The following EBF3 variants were observed in gnomAD, a reference collection of about 807,000 sequenced individuals.
EBF3 encodes EBF transcription factor 3.
In EBF3, 18 loss-of-function variants were observed where a neutral mutation model predicts 77.1. That is an observed-to-expected ratio of 0.23 (90% CI 0.16 to 0.35). The LOEUF is 0.35. Ranked by LOEUF, EBF3 falls within the 10% of genes least tolerant of loss-of-function variation. The pLI, the probability that EBF3 is intolerant of heterozygous loss-of-function variation, is 1.00. For synonymous variants in EBF3, 350 were observed against 343.5 expected (o/e 1.02, Z -0.21); for missense variants, 558 against 860.0 (o/e 0.65, Z 4.39).
intron 11 of EBF3, 31 bp from the exon 12 acceptor site, chr10:129,843,233 T>C: frequency 6.3e-7 from 1 of 1,594,710 alleles, no homozygotes; most frequent in South Asian, 1.1e-5. Context: ...AGGTGATTCA[T>C]GGGAGGAACC....
chr10:129,951,437 C>T (rs1336091133), intron 6 of EBF3, among the ~76,000 whole-genome samples: 1 of 152,260 alleles, frequency 6.6e-6, no homozygotes, highest in African/African-American at 2.4e-5. Context: ...TCCACCCCTG[C>T]ACGTTCATAC....
chr10:129,931,863 G>C (rs1006214534), intron 6 of EBF3, among the ~76,000 whole-genome samples: 1 of 152,188 alleles, frequency 6.6e-6, no homozygotes, highest in Non-Finnish European at 1.5e-5. Flanking sequence ...ACAGGGCCTA[G>C]CTGGGTATCT....
At chr10:129,913,680 G>A (rs768775287) in intron 6 of EBF3, among the ~76,000 whole-genome samples, 4 of 152,214 alleles carry the variant, frequency 2.6e-5, no homozygotes, top group African/African-American at 7.2e-5. Flanking sequence ...GAGGTGCTAC[G>A]AATGCTAGAT....
chr10:129,914,157 G>A (rs890991429), intron 6 of EBF3, among the ~76,000 whole-genome samples: 2 of 152,208 alleles, frequency 1.3e-5, no homozygotes, highest in Non-Finnish European at 2.9e-5. Context: ...GACTCCAGGG[G>A]ACATGACGGG....
Position 129,842,990 on chromosome 10 carries a change from G to T in EBF3, c.1194+147C>A. The T allele has an allele frequency of 4.1e-6, 3 of 733,724 alleles. No individual in the cohort carries two copies. Among genetic ancestry groups the T allele is most frequent in the Non-Finnish European group, 6.7e-6 (3 of 449,366 alleles). The allele number at this position is 733,724 out of a possible 1,614,324, so 45.5% of individuals were successfully genotyped here. A position where few individuals can be genotyped will look rare whatever the true frequency, so the allele number is the denominator to read the frequency against. The stretch of plus-strand genomic sequence containing the variant: ...TACGTGAACCTAGCGTGAGGGCAAG[G>T]ATGGGAAGCCATTCTCACATCAGAC... On this transcript the variant is annotated intron_variant, in intron 12 of 16. Transcript: ENST00000440978. This position sits in a 1 kb window ranked among gnomAD's most constrained non-coding sequence, Gnocchi z 4.4.
intron 10 of EBF3, among the ~76,000 whole-genome samples, chr10:129,862,760 T>C (rs1457219880): frequency 6.6e-6 from 1 of 152,254 alleles, no homozygotes; most frequent in Non-Finnish European, 1.5e-5. Flanking sequence ...ATTAGATGCA[T>C]ACAAATTCCA....
At chr10:129,854,984 GA>G (rs958185931) in intron 10 of EBF3, among the ~76,000 whole-genome samples, 1 of 152,194 alleles carries the variant, frequency 6.6e-6, no homozygotes, top group Non-Finnish European at 1.5e-5. Context: ...TGCCCTCACA[GA>G]AATGACAGTG....
chr10:129,946,702 G>A (rs1226681293), intron 6 of EBF3, among the ~76,000 whole-genome samples: 2 of 152,224 alleles, frequency 1.3e-5, no homozygotes, highest in African/African-American at 4.8e-5. Context: ...AGAAGAGGGA[G>A]AGGATCAGTG....
At chr10:129,858,542 G>A (rs931233168) in intron 10 of EBF3, among the ~76,000 whole-genome samples, 2 of 152,200 alleles carry the variant, frequency 1.3e-5, no homozygotes, top group African/African-American at 4.8e-5. Context: ...ACTAGGGCTA[G>A]AAGGGATGGC....
At position 129,938,012 on chromosome 10, in the gene EBF3, A is replaced by G. The variant is rs1214540457; in HGVS notation, c.554+19246T>C. 6.6e-6 allele frequency among the ~76,000 whole-genome samples: 1 copy of G among 152,184 alleles called. No individual in the cohort carries two copies. Among genetic ancestry groups the G allele is most frequent in the East Asian group, 1.9e-4 (1 of 5,198 alleles). On this transcript the variant is annotated intron_variant, in intron 6 of 16. Coordinates refer to ENST00000440978, the MANE Select transcript of EBF3 (RefSeq NM_001375380.1). The surrounding 1 kb of genome is among the most constrained non-coding windows in gnomAD (Gnocchi z 5.1). ...AATGCATTAGTCAAAATACTTCGAA[A>G]TGGTACAAGCTATTTTCTGGCATGT... is the stretch of plus-strand genomic sequence containing the variant.
chr10:129,913,505 T>G (rs1016839805), intron 6 of EBF3, among the ~76,000 whole-genome samples: 1 of 152,280 alleles, frequency 6.6e-6, no homozygotes, highest in African/African-American at 2.4e-5. Context: ...AGCAGTATGA[T>G]GAATGGCCTG....
At chr10:129,922,747 C>T (rs1564892153) in intron 6 of EBF3, among the ~76,000 whole-genome samples, 1 of 152,250 alleles carries the variant, frequency 6.6e-6, no homozygotes, top group African/African-American at 2.4e-5. Flanking sequence ...GCCCTCCTGA[C>T]CCTGATGTGG....
Position 129,958,907 on chromosome 10 carries a change from CCCCGCCG to C in EBF3, c.485+20_485+26del, listed in dbSNP as rs747788306. On this transcript the variant is annotated intron_variant, in intron 5 of 16. Coordinates refer to ENST00000440978, the MANE Select transcript of EBF3 (RefSeq NM_001375380.1). ...CAGCTGGCGCCGAGGCAGCCCGCGC[CCCCGCCG>C]CCCGCCGCCCGCCGCTCACCTGCAC... is the stretch of plus-strand genomic sequence containing the variant. The C allele has an allele frequency of 9.4e-5, 149 of 1,582,552 alleles. No individual in the cohort carries two copies. Among genetic ancestry groups the C allele is most frequent in the African/African-American group, 4.8e-4 (34 of 71,072 alleles).
chr10:129,839,208 A>T lies in EBF3; in HGVS notation c.1760-13T>A. The T allele has an allele frequency of 8.4e-7, 1 of 1,192,900 alleles. No homozygotes were observed. Among genetic ancestry groups the T allele is most frequent in the Non-Finnish European group, 1.1e-6 (1 of 887,572 alleles). The allele number at this position is 1,192,900 out of a possible 1,614,324, so 73.9% of individuals were successfully genotyped here. ...CCCAGCAGAGAGCCTGGTACATAGT[A>T]GGTGCTCAGTAAATACTGGTTGAAT... On this transcript the variant is annotated splice_polypyrimidine_tract_variant and intron_variant, in intron 15 of 16. Transcript: ENST00000440978.
chr10:129,873,942 G>C (rs560716785), intron 7 of EBF3, among the ~76,000 whole-genome samples: 1 of 152,294 alleles, frequency 6.6e-6, no homozygotes, highest in Admixed American at 6.5e-5. Context: ...CCGCTGTTTT[G>C]ATTGATCTGT....
chr10:129,929,152 G>A (rs1400391251), intron 6 of EBF3, among the ~76,000 whole-genome samples: 1 of 152,262 alleles, frequency 6.6e-6, no homozygotes, highest in Non-Finnish European at 1.5e-5. Flanking sequence ...CATATCCGAT[G>A]CTATGTCAAC....
At chr10:129,901,767 C>T (rs751568912) in intron 6 of EBF3, among the ~76,000 whole-genome samples, 1 of 152,192 alleles carries the variant, frequency 6.6e-6, no homozygotes, top group African/African-American at 2.4e-5. Flanking sequence ...CGCACAGCGG[C>T]GCCCTCGGTA....
At chr10:129,931,564 C>T (rs556345400) in intron 6 of EBF3, among the ~76,000 whole-genome samples, 2 of 152,370 alleles carry the variant, frequency 1.3e-5, no homozygotes, top group South Asian at 2.1e-4. Flanking sequence ...TGTCTGGGGC[C>T]GCGACTGTGA....
intron 6 of EBF3, among the ~76,000 whole-genome samples, chr10:129,923,219 A>C (rs1359816934): frequency 6.6e-6 from 1 of 152,248 alleles, no homozygotes; most frequent in African/African-American, 2.4e-5. Context: ...ACTCGGTGAC[A>C]GAAGCTGCTC....
Sources: gnomAD v4.1 joint callset for allele counts (sites outside exome capture counted in the v4.1 genomes callset) on GRCh38, gnomAD v4.1.1 for gene constraint, Gnocchi (gnomAD v3.1) non-coding constraint, MANE v1.5 for transcripts, NCBI Gene and HGNC (gene_info 2026-07-23, HGNC 2026-07-21) for gene names.